Variants in DOCK8 observed in about 807,000 individuals in gnomAD.
DOCK8 encodes the protein dedicator of cytokinesis protein 8.
DOCK8 carries 141 observed loss-of-function variants against 245.6 expected under a neutral mutation model. The ratio of observed to expected loss-of-function variants is 0.57; its 90% confidence interval spans 0.50 to 0.66. The LOEUF (loss-of-function observed/expected upper bound fraction) is 0.66. Among genes scored for constraint, DOCK8 ranks in the 30% least tolerant of loss-of-function variants. The probability of loss-of-function intolerance (pLI) is 0.00; values close to 1 mark genes in which losing one functional copy is unlikely to be tolerated. For synonymous variants in DOCK8, 1,168 were observed against 970.2 expected (o/e 1.20, Z -3.79); for missense variants, 2,965 against 2,603.4 (o/e 1.14, Z -3.02).
chr9:402,811 G>A (rs1289667335), intron 26 of DOCK8, among the ~76,000 whole-genome samples: 4 of 152,156 alleles, frequency 2.6e-5, no homozygotes, highest in Non-Finnish European at 5.9e-5. Context: ...GGCATTGTGG[G>A]TCTTGACCTT....
rs113386061 is a variant in DOCK8, at chr9:429,642, G to A, written c.4474-60G>A. ...CAAATGGACATTTGCATATTTCAAC[G>A]GTCCAGAAAGTGTATCAAACTGCCA... On this transcript the variant is annotated intron_variant, in intron 35 of 47. Transcript: ENST00000432829. The A allele has an allele frequency of 5.1e-5, 81 of 1,597,642 alleles. No individual in the cohort carries two copies. In the East Asian group the frequency reaches 1.0e-3, roughly 21 times the overall value.
chr9:297,640 C>G (rs1177523389), intron 4 of DOCK8, among the ~76,000 whole-genome samples: 2 of 152,140 alleles, frequency 1.3e-5, no homozygotes, highest in Non-Finnish European at 2.9e-5. Context: ...AGCCAGCAGT[C>G]TCACTGCCTA....
chr9:377,289 A>G (rs1217814994), intron 20 of DOCK8, 78 bp downstream of exon 20: 1 of 1,342,842 alleles, frequency 7.4e-7, no homozygotes, highest in Non-Finnish European at 1.0e-6. Context: ...ATGACTTTCC[A>G]GAAATCCAGA....
intron 26 of DOCK8, among the ~76,000 whole-genome samples, chr9:400,595 T>A (rs62644263): frequency 4.0e-4 from 21 of 52,768 alleles, no homozygotes; most frequent in East Asian, 1.3e-3. Flanking sequence ...CACCACCACC[T>A]CCACCATCAC....
intron 40 of DOCK8, 27 bp from the exon 41 acceptor site, chr9:441,255 TTCTC>T (rs765845025): frequency 6.2e-7 from 1 of 1,613,968 alleles, no homozygotes; most frequent in Non-Finnish European, 8.5e-7. Context: ...GTGGATTAAA[TTCTC>T]TCTGATGCTC....
At chr9:400,922 ATCACCACAACAT>A (rs1467883112) in intron 26 of DOCK8, among the ~76,000 whole-genome samples, 2 of 108,438 alleles carry the variant, frequency 1.8e-5, no homozygotes, top group Admixed American at 8.7e-5. Context: ...CTCCTTCACC[ATCACCACAACAT>A]CCACCACCAC....
upstream of DOCK8, chr9:214,301 C>G (rs1286835477): frequency 3.6e-6 from 2 of 557,542 alleles, no homozygotes; most frequent in African/African-American, 2.0e-5. Flanking sequence ...AAAGCATTCA[C>G]GCCAGGTTGT....
At chr9:359,391 T>G (rs2052612767) in intron 14 of DOCK8, among the ~76,000 whole-genome samples, 1 of 152,210 alleles carries the variant, frequency 6.6e-6, no homozygotes. Context: ...ATCTTCTGAA[T>G]GAGGCTAATA....
Position 340,190 on chromosome 9 carries a change from A to C in DOCK8, c.1548A>C (p.Pro516=). 6.2e-7 allele frequency: 1 copy of C among 1,614,162 alleles called. No homozygotes were observed. Among genetic ancestry groups the C allele is most frequent in the Middle Eastern group, 1.6e-4 (1 of 6,062 alleles). Residue 516 remains proline, a synonymous_variant, in exon 14 of 48, where the codon CCA becomes CCC. Coordinates refer to ENST00000432829, the MANE Select transcript of DOCK8 (RefSeq NM_203447.4). ...TAAGACTGGAGATTTCTACAGCTCCAGAGATCATCAATTGCTGTCTGACTC... is the reference window on the plus strand; with the variant it reads ...TAAGACTGGAGATTTCTACAGCTCCCGAGATCATCAATTGCTGTCTGACTC... The part of the protein sequence containing the change: ...GLLRLEISTA[P]EIINCCLTPE...
At chr9:221,105 C>T (rs2046872823) in intron 1 of DOCK8, among the ~76,000 whole-genome samples, 1 of 152,098 alleles carries the variant, frequency 6.6e-6, no homozygotes, top group African/African-American at 2.4e-5. Flanking sequence ...CAGATTGACA[C>T]CTCTGAAAGT....
At chr9:408,896 G>A (rs547779213) in intron 28 of DOCK8, among the ~76,000 whole-genome samples, 232 of 114,336 alleles carry the variant, frequency 2.0e-3, no homozygotes, top group African/African-American at 9.8e-3. Context: ...ACGCACACAC[G>A]CGCGTGCACA....
rs115131852 is a variant in DOCK8 at position 378,705 on chromosome 9, T to A, written c.2441-1066T>A. Among the ~76,000 whole-genome samples the A allele has an allele frequency of 2.5e-3, 375 of 152,344 alleles. 5 individuals carry two copies. Among genetic ancestry groups the A allele is most frequent in the African/African-American group, 8.6e-3 (358 of 41,584 alleles). ...TTATATGTTTTGAGCAGCTTCTCCA[T>A]AGCAAGTTGCCACCTTGTGGTGTGA... On this transcript the variant is annotated intron_variant, in intron 20 of 47. Coordinates refer to ENST00000432829, the MANE Select transcript of DOCK8 (RefSeq NM_203447.4).
intron 2 of DOCK8, among the ~76,000 whole-genome samples, chr9:279,691 C>G (rs1563868027): frequency 6.6e-6 from 1 of 152,310 alleles, no homozygotes; most frequent in Middle Eastern, 3.4e-3. Context: ...AATTTGGCAT[C>G]ATGAAGTCTT....
rs112030210 is a variant in DOCK8, at chr9:399,449, A to G, written c.3234+190A>G. Among the ~76,000 whole-genome samples, 3,514 of 152,136 alleles carry G rather than the reference A, an allele frequency of 0.023. 143 individuals carry two copies. The highest frequency in any genetic ancestry group is 0.08 in the African/African-American group (3,336 of 41,458). On this transcript the variant is annotated intron_variant, in intron 26 of 47. Transcript: ENST00000432829. ...TCCTCAGACATGCTGGTTTACCTTG[A>G]TTCCTGGAGCATTTACCGACAGTGT... is the stretch of plus-strand genomic sequence containing the variant.
At chr9:234,689 C>T (rs139982905) in intron 1 of DOCK8, among the ~76,000 whole-genome samples, 1,886 of 152,276 alleles carry the variant, frequency 0.012, 34 homozygotes, top group African/African-American at 0.042. Context: ...TTGGTCACAT[C>T]GGCTACTGAG....
intron 2 of DOCK8, chr9:272,833 T>A (rs1682364335): frequency 6.4e-6 from 1 of 155,698 alleles, no homozygotes; most frequent in African/African-American, 2.4e-5. Flanking sequence ...ATCTGACAAA[T>A]GAGATGGTTT....
intron 2 of DOCK8, among the ~76,000 whole-genome samples, chr9:279,342 G>A (rs1402615790): frequency 6.6e-6 from 1 of 152,228 alleles, no homozygotes; most frequent in Non-Finnish European, 1.5e-5. Flanking sequence ...TATGGCAGAA[G>A]TTGAGGCTGC....
intron 2 of DOCK8, among the ~76,000 whole-genome samples, chr9:285,503 G>T (rs2048784646): frequency 6.6e-6 from 1 of 152,070 alleles, no homozygotes. Context: ...TGACTCCAAA[G>T]ACTGCCATAA....
At chr9:268,740 G>T (rs526509) in intron 1 of DOCK8, among the ~76,000 whole-genome samples, 62,874 of 152,000 alleles carry the variant, frequency 0.41, 13,608 homozygotes, top group East Asian at 0.78. Context: ...ACAGAAAAAG[G>T]CTTTGGCTTG....
Sources: allele counts gnomAD v4.1 joint callset (sites outside exome capture counted in the v4.1 genomes callset), GRCh38; gene constraint gnomAD v4.1.1; transcripts MANE v1.5; gene names NCBI Gene and HGNC (gene_info 2026-07-23, HGNC 2026-07-21).